CNOT7: variants seen among roughly 807,000 people sequenced by gnomAD.
CNOT7 encodes CCR4-NOT transcription complex subunit 7.
Under a neutral mutation model 37.1 loss-of-function variants are expected in CNOT7, and 4 were observed. The observed-to-expected ratio is 0.11, with a 90% CI of 0.05 to 0.25. CNOT7 has a LOEUF of 0.25. Ranked by LOEUF, CNOT7 falls within the 10% of genes least tolerant of loss-of-function variation. The pLI is 1.00. For synonymous variants in CNOT7, 128 were observed against 115.6 expected, an observed-to-expected ratio of 1.11 and a Z score of -0.69; for missense variants, 170 against 336.2, an observed-to-expected ratio of 0.51 and a Z score of 3.87.
intron 3 of CNOT7, among the ~76,000 whole-genome samples, chr8:17,239,316 C>T (rs993153084): frequency 2.0e-5 from 3 of 152,138 alleles, no homozygotes; most frequent in Non-Finnish European, 4.4e-5. Flanking sequence ...AACTGGCCTC[C>T]CGAAGTGCTG....
intron 3 of CNOT7, among the ~76,000 whole-genome samples, chr8:17,240,038 A>G (rs928596078): frequency 5.9e-5 from 9 of 152,238 alleles, no homozygotes; most frequent in Non-Finnish European, 1.3e-4. Context: ...AACTTTCCTC[A>G]GTACTAAATC....
chr8:17,227,803 A>G lies in CNOT7; in HGVS notation c.*2917T>C, dbSNP rs565184169. ...ATAGTCCATATTCCAATGTGCCTTG[A>G]AAGTGTAACATTCAAAGGTACTTTT... On this transcript the variant is annotated 3_prime_UTR_variant, in exon 7 of 7. Transcript: ENST00000361272. 7.9e-4 allele frequency: 120 copies of G among 152,000 alleles called. 1 individual carries two copies. Among genetic ancestry groups the G allele is most frequent in the Middle Eastern group, 3.4e-3 (1 of 294 alleles). The allele number at this position is 152,000 out of a possible 1,614,324, so 9.4% of individuals were successfully genotyped here. A position where few individuals can be genotyped will look rare whatever the true frequency, so the allele number is the denominator to read the frequency against.
chr8:17,238,066 C>A (rs970375455), intron 3 of CNOT7, among the ~76,000 whole-genome samples: 9 of 152,102 alleles, frequency 5.9e-5, no homozygotes, highest in Non-Finnish European at 1.5e-5. Context: ...TCACTTAAGC[C>A]AAAAAGAAAG....
chr8:17,237,416 C>A, intron 3 of CNOT7, 43 bp from the exon 4 acceptor site: 1 of 1,590,026 alleles, frequency 6.3e-7, no homozygotes, highest in Non-Finnish European at 8.6e-7. Context: ...CATGCCATTA[C>A]TTCAAACAAG....
intron 1 of CNOT7, 145 bp from the exon 2 acceptor site, chr8:17,245,392 G>A (rs1810788208): frequency 2.5e-6 from 1 of 392,194 alleles, no homozygotes; most frequent in Middle Eastern, 6.7e-4. Flanking sequence ...AGTAACTTAA[G>A]GTCACACAGC....
At chr8:17,232,094 G>T in intron 6 of CNOT7, 1 of 1,002,570 alleles carries the variant, frequency 1.0e-6, no homozygotes. Flanking sequence ...AAGAACTCTG[G>T]AGTTCTCCCA....
At chr8:17,234,071 T>G (rs1049911194) in intron 5 of CNOT7, among the ~76,000 whole-genome samples, 2 of 152,086 alleles carry the variant, frequency 1.3e-5, no homozygotes, top group African/African-American at 4.8e-5. Context: ...AAAAAAAGAA[T>G]TAATGTTTAG....
At chr8:17,239,692 A>C (rs1399938047) in intron 3 of CNOT7, among the ~76,000 whole-genome samples, 1 of 151,828 alleles carries the variant, frequency 6.6e-6, no homozygotes, top group Non-Finnish European at 1.5e-5. Context: ...ACAGGGTTTC[A>C]CCGTGTTAGC....
At chr8:17,235,153 G>C (rs1809179993) in intron 4 of CNOT7, among the ~76,000 whole-genome samples, 1 of 152,100 alleles carries the variant, frequency 6.6e-6, no homozygotes, top group South Asian at 2.1e-4. Context: ...TATCTGAATA[G>C]AGAACACCAA....
At chr8:17,237,170 G>A in intron 4 of CNOT7, 42 bp downstream of exon 4, 1 of 1,594,546 alleles carries the variant, frequency 6.3e-7, no homozygotes, top group Non-Finnish European at 8.6e-7. Flanking sequence ...GAGCAAGTAT[G>A]AGATGGAAAA....
intron 3 of CNOT7, chr8:17,241,945 GA>G (rs1466834569): frequency 6.6e-6 from 1 of 152,200 alleles, no homozygotes; most frequent in African/African-American, 2.4e-5. Flanking sequence ...TTATTCAGTT[GA>G]GGGGTGAAGA....
At chr8:17,237,104 C>T in intron 4 of CNOT7, 108 bp downstream of exon 4, 2 of 1,075,490 alleles carry the variant, frequency 1.9e-6, no homozygotes. Context: ...ATATGGCAGT[C>T]AACTCTTTCC....
At chr8:17,236,551 G>C (rs894391839) in intron 4 of CNOT7, among the ~76,000 whole-genome samples, 8 of 151,810 alleles carry the variant, frequency 5.3e-5, no homozygotes, top group African/African-American at 1.9e-4. Context: ...AAGTATTTTG[G>C]TGACCATTAA....
Position 17,230,784 on chromosome 8 carries a change from C to A in CNOT7, c.794G>T (p.Gly265Val). 2 of 1,610,182 alleles carry A rather than the reference C, an allele frequency of 1.2e-6. No homozygotes were observed. The highest frequency in any genetic ancestry group is 1.7e-6 in the Non-Finnish European group (2 of 1,177,396). ...TGTGCCATTCTGTACATAGGATGAA[C>A]CAGAACCAAGGCCATACAAATGACC... ...YCGHLYGLGS[G>V]SSYVQNGTGN... Residue 265 changes from glycine to valine, a missense_variant, in exon 7 of 7, where the codon GGT (glycine) becomes GTT (valine). By Grantham distance (109) the Gly-to-Val change is moderately radical (BLOSUM62 -3). Transcript: ENST00000361272.
At chr8:17,245,299 C>T in intron 1 of CNOT7, 52 bp from the exon 2 acceptor site, 1 of 756,742 alleles carries the variant, frequency 1.3e-6, no homozygotes, top group Non-Finnish European at 1.9e-6. Context: ...ATCTGAATCA[C>T]AGAATAATTG....
At position 17,244,906 on chromosome 8, in the gene CNOT7, G is replaced by A. The variant is rs1322356990; in HGVS notation, c.117+130C>T. On this transcript the variant is annotated intron_variant, in intron 2 of 6. Coordinates refer to ENST00000361272, the MANE Select transcript of CNOT7 (RefSeq NM_013354.7). ...CCTGATGGATTTTGGCTGGAGGGCA[G>A]TGACAAATTTTACTTTTCATGGTGA... 5.3e-6 allele frequency: 4 copies of A among 760,096 alleles called. No individual in the cohort carries two copies. The East Asian group carries it at 7.7e-5, about 15-fold the overall frequency. 47.1% of individuals were successfully genotyped at this position (760,096 alleles called of 1,614,324 possible).
chr8:17,236,375 C>T (rs1563196825), intron 4 of CNOT7, among the ~76,000 whole-genome samples: 1 of 152,142 alleles, frequency 6.6e-6, no homozygotes, highest in Admixed American at 6.5e-5. Flanking sequence ...CTTTTAGTCC[C>T]TGGAACGTCA....
rs1325011399 is a variant in CNOT7, at chr8:17,230,626, G to C, written c.*94C>G. ...AATGGGCCATGAAAGGGGGGGGAAA[G>C]GTACTGTCTATTGTTCGAGGGATTC... On this transcript the variant is annotated 3_prime_UTR_variant, in exon 7 of 7. Transcript: ENST00000361272. 4.1e-5 allele frequency: 43 copies of C among 1,047,174 alleles called. No individual in the cohort carries two copies. Among genetic ancestry groups the C allele is most frequent in the Non-Finnish European group, 5.5e-5 (42 of 758,660 alleles). 64.9% of individuals were successfully genotyped at this position (1,047,174 alleles called of 1,614,324 possible).
At chr8:17,244,928 G>T in intron 2 of CNOT7, 108 bp downstream of exon 2, 1 of 910,880 alleles carries the variant, frequency 1.1e-6, no homozygotes. Context: ...ACTTTTCATG[G>T]TGAAATTAAT....
Sources: gnomAD v4.1 joint callset for allele counts (sites outside exome capture counted in the v4.1 genomes callset) on GRCh38, gnomAD v4.1.1 for gene constraint, MANE v1.5 for transcripts, NCBI Gene and HGNC (gene_info 2026-07-23, HGNC 2026-07-21) for gene names.